FHIT: variants seen among roughly 807,000 people sequenced by gnomAD.
FHIT encodes fragile histidine triad diadenosine triphosphatase, also known as bis(5'-adenosyl)-triphosphatase.
Under a neutral mutation model 17.9 loss-of-function variants are expected in FHIT, and 19 were observed. The observed-to-expected ratio is 1.06, with a 90% CI of 0.74 to 1.56. The LOEUF is 1.56. FHIT is among the 40% of genes most tolerant of loss of function. The pLI, the probability that FHIT is intolerant of heterozygous loss-of-function variation, is 0.00. For missense variants in FHIT, 248 were observed against 189.2 expected (o/e 1.31, Z -1.82); for synonymous variants, 81 against 69.7 (o/e 1.16, Z -0.81).
chr3:61,209,402 T>G (rs1195895062), intron 1 of FHIT, among the ~76,000 whole-genome samples: 1 of 152,266 alleles, frequency 6.6e-6, no homozygotes, highest in East Asian at 1.9e-4. Context: ...AATGATATCC[T>G]GCAGAGTGTT....
chr3:60,151,573 G>A (rs74365444), intron 5 of FHIT, among the ~76,000 whole-genome samples: 174 of 152,182 alleles, frequency 1.1e-3, no homozygotes, highest in Non-Finnish European at 2.1e-3. Context: ...AGGTCTTCTC[G>A]ATTTGATTTG....
At chr3:60,139,682 AT>A (rs1699955834) in intron 5 of FHIT, among the ~76,000 whole-genome samples, 1 of 152,132 alleles carries the variant, frequency 6.6e-6, no homozygotes, top group African/African-American at 2.4e-5. Context: ...TTTCTAGAAC[AT>A]AGCACAGTGC....
chr3:60,738,387 G>T (rs1466890784), intron 4 of FHIT, among the ~76,000 whole-genome samples: 1 of 152,200 alleles, frequency 6.6e-6, no homozygotes, highest in Non-Finnish European at 1.5e-5. Context: ...TGCCTCAGCA[G>T]AATGAGCAAG....
At chr3:59,938,135 G>C (rs995634102) in intron 7 of FHIT, among the ~76,000 whole-genome samples, 4 of 152,032 alleles carry the variant, frequency 2.6e-5, no homozygotes, top group African/African-American at 9.7e-5. Flanking sequence ...TAGTAGTGAA[G>C]ATATACAAAC....
At chr3:60,972,265 A>G (rs1302597657) in intron 3 of FHIT, among the ~76,000 whole-genome samples, 1 of 152,164 alleles carries the variant, frequency 6.6e-6, no homozygotes, top group Non-Finnish European at 1.5e-5. Flanking sequence ...TAGTTTTGAT[A>G]TAGATATGCT....
Position 60,861,190 on chromosome 3 carries a change from T to TC in FHIT, c.-110-39180_-110-39179insG, listed in dbSNP as rs1553752302. On this transcript the variant is annotated intron_variant, in intron 3 of 9. Transcript: ENST00000492590. Reference sequence around the variant, plus strand: ...CATATGTTCTATGATATATATGATATATATCATATATGATATATATGATAT... The same window carrying TC: ...CATATGTTCTATGATATATATGATATCATATCATATATGATATATATGATAT... Among the ~76,000 whole-genome samples, 16 of 2,988 alleles carry TC rather than the reference T, an allele frequency of 5.4e-3. 4 individuals are homozygous for TC. Among genetic ancestry groups the TC allele is most frequent in the African/African-American group, 0.018 (16 of 872 alleles). 2.0% of individuals were successfully genotyped at this position (2,988 alleles called of 152,430 possible). A position where few individuals can be genotyped will look rare whatever the true frequency, so the allele number is the denominator to read the frequency against.
chr3:60,039,691 G>C (rs1016318142), intron 5 of FHIT, among the ~76,000 whole-genome samples: 1 of 152,190 alleles, frequency 6.6e-6, no homozygotes, highest in Non-Finnish European at 1.5e-5. Flanking sequence ...GTCCTATAAA[G>C]TGTTCACATG....
chr3:60,694,049 A>G (rs1553700023), intron 4 of FHIT, among the ~76,000 whole-genome samples: 1 of 152,234 alleles, frequency 6.6e-6, no homozygotes, highest in Non-Finnish European at 1.5e-5. Context: ...GCCCTTGTCA[A>G]ATAAGTATAA....
At chr3:60,925,806 C>CAGG (rs1707570756) in intron 3 of FHIT, among the ~76,000 whole-genome samples, 1 of 151,706 alleles carries the variant, frequency 6.6e-6, no homozygotes, top group Non-Finnish European at 1.5e-5. Context: ...GTGCTGTATT[C>CAGG]AGACCCATCT....
At chr3:60,252,177 C>T (rs1242299850) in intron 5 of FHIT, among the ~76,000 whole-genome samples, 1 of 152,116 alleles carries the variant, frequency 6.6e-6, no homozygotes, top group Non-Finnish European at 1.5e-5. Flanking sequence ...GTGTTAGACA[C>T]TTGATGCAAG....
chr3:59,781,924 AGCCCT>A (rs1702603016), intron 8 of FHIT, among the ~76,000 whole-genome samples: 1 of 152,174 alleles, frequency 6.6e-6, no homozygotes, highest in Non-Finnish European at 1.5e-5. Flanking sequence ...GCCAAGTAGG[AGCCCT>A]TTGCTATCAT....
At chr3:60,378,283 G>A (rs1465688591) in intron 5 of FHIT, among the ~76,000 whole-genome samples, 3 of 152,046 alleles carry the variant, frequency 2.0e-5, no homozygotes, top group Non-Finnish European at 2.9e-5. Context: ...TCAGCCTCCC[G>A]AGACTATTCT....
At chr3:60,775,357 G>A (rs9820875) in intron 4 of FHIT, among the ~76,000 whole-genome samples, 6,569 of 152,214 alleles carry the variant, frequency 0.043, 466 homozygotes, top group African/African-American at 0.15. Flanking sequence ...GTGCACCGGG[G>A]TGGAGCCTCG....
intron 7 of FHIT, among the ~76,000 whole-genome samples, chr3:59,938,787 A>G (rs571610462): frequency 6.6e-6 from 1 of 152,310 alleles, no homozygotes; most frequent in African/African-American, 2.4e-5. Context: ...AAAATATACT[A>G]GAAAAACCAC....
At chr3:60,188,071 T>A (rs898983833) in intron 5 of FHIT, among the ~76,000 whole-genome samples, 1 of 152,058 alleles carries the variant, frequency 6.6e-6, no homozygotes, top group African/African-American at 2.4e-5. Flanking sequence ...CCAAGCACAT[T>A]TTCCATAACT....
In FHIT at chr3:60,085,110, G is replaced by C. The variant is rs1703442296; in HGVS notation, c.104-70958C>G. ...AGACTTAGGCAAGTGATCCTAGCTG[G>C]GCCAGAATTCCTTCCTCACACACTC... On this transcript the variant is annotated intron_variant, in intron 5 of 9. Transcript: ENST00000492590. Among the ~76,000 whole-genome samples, 2 of 152,054 alleles carry C rather than the reference G, an allele frequency of 1.3e-5. 1 individual carries two copies. The highest frequency in any genetic ancestry group is 4.8e-5 in the African/African-American group (2 of 41,386).
intron 5 of FHIT, among the ~76,000 whole-genome samples, chr3:60,312,362 G>A (rs146962423): frequency 0.021 from 3,170 of 151,970 alleles, 47 homozygotes; most frequent in Middle Eastern, 0.034. Flanking sequence ...GGCTGGTCTC[G>A]AACTCCTGAG....
intron 4 of FHIT, among the ~76,000 whole-genome samples, chr3:60,697,473 A>G (rs2041141315): frequency 6.6e-6 from 1 of 152,188 alleles, no homozygotes; most frequent in South Asian, 2.1e-4. Context: ...TCATTCTGAG[A>G]TGACTCTCCA....
intron 4 of FHIT, among the ~76,000 whole-genome samples, chr3:60,689,068 G>T (rs1380810814): frequency 6.6e-6 from 1 of 152,102 alleles, no homozygotes; most frequent in Admixed American, 6.6e-5. Flanking sequence ...TTCTCATGCT[G>T]TTCTCCTGAT....
Sources: allele counts gnomAD v4.1 joint callset (sites outside exome capture counted in the v4.1 genomes callset), GRCh38; gene constraint gnomAD v4.1.1; transcripts MANE v1.5; gene names NCBI Gene and HGNC (gene_info 2026-07-23, HGNC 2026-07-21).